Variants in LZTFL1 observed in about 807,000 individuals in gnomAD.
LZTFL1 encodes the protein leucine zipper transcription factor-like protein 1.
Under a neutral mutation model 45.9 loss-of-function variants are expected in LZTFL1, and 25 were observed. That is an observed-to-expected ratio of 0.54 (90% CI 0.40 to 0.76). The LOEUF (loss-of-function observed/expected upper bound fraction) is 0.76, where lower values mean the gene tolerates loss of function less well. Among genes scored for constraint, LZTFL1 ranks in the 30% least tolerant of loss-of-function variants. LZTFL1 has a pLI of 0.00. For missense variants in LZTFL1, 277 were observed against 331.1 expected, an observed-to-expected ratio of 0.84 and a Z score of 1.27; for synonymous variants, 93 against 117.4, an observed-to-expected ratio of 0.79 and a Z score of 1.35.
chr3:45,834,458 G>A, intron 3 of LZTFL1, 160 bp from the exon 4 acceptor site: 1 of 518,390 alleles, frequency 1.9e-6, no homozygotes, highest in Non-Finnish European at 3.5e-6. Context: ...GCAAATGGTT[G>A]AGAACCTAAA....
intron 3 of LZTFL1, among the ~76,000 whole-genome samples, chr3:45,858,341 T>C (rs1295937539): frequency 6.6e-6 from 1 of 152,206 alleles, no homozygotes; most frequent in East Asian, 1.9e-4. Flanking sequence ...AGAATGGGAA[T>C]TAACCCTTCA....
At chr3:45,895,985 G>A (rs1418528912) in intron 2 of LZTFL1, among the ~76,000 whole-genome samples, 2 of 152,342 alleles carry the variant, frequency 1.3e-5, no homozygotes, top group Middle Eastern at 3.4e-3. Context: ...GATCTATGGA[G>A]AGTGGTGGTT....
intron 2 of LZTFL1, among the ~76,000 whole-genome samples, chr3:45,874,792 T>C (rs929623464): frequency 6.6e-6 from 1 of 152,230 alleles, no homozygotes; most frequent in Non-Finnish European, 1.5e-5. Context: ...GTGGCAGTTC[T>C]AAGCCCAGAC....
chr3:45,854,816 G>T lies in LZTFL1; in HGVS notation c.-49+170C>A, dbSNP rs73830465. Among the ~76,000 whole-genome samples, 506 of 152,224 alleles carry T rather than the reference G, an allele frequency of 3.3e-3. 2 individuals are homozygous for T. The highest frequency in any genetic ancestry group is 0.011 in the African/African-American group (459 of 41,530). ...TCTCCTCTCTCTCCTGCTGCTTCCA[G>T]CACATCCTAGGATTACATCTGAAAT... On this transcript the variant is annotated intron_variant, in intron 4 of 4. Transcript: ENST00000472635.
chr3:45,869,161 G>A lies in LZTFL1; in HGVS notation c.-214-10145C>T, dbSNP rs561710579. Among the ~76,000 whole-genome samples, 4 of 152,302 alleles carry A rather than the reference G, an allele frequency of 2.6e-5. No individual in the cohort carries two copies. The East Asian group carries it at 7.7e-4, about 29-fold the overall frequency. ...GCAGGAAGGGATGGGCAGAGCACGA[G>A]ATCACAAAGATCACCACTGGCATTG... On this transcript the variant is annotated intron_variant, in intron 2 of 4. Transcript: ENST00000472635.
chr3:45,871,141 C>T (rs1410475353), intron 2 of LZTFL1, among the ~76,000 whole-genome samples: 1 of 152,206 alleles, frequency 6.6e-6, no homozygotes, highest in Non-Finnish European at 1.5e-5. Context: ...TTCATCTTCA[C>T]CCACATAAGC....
rs1237771968 is a variant in LZTFL1, at chr3:45,825,731, A to G, written c.*583T>C. ...GACTGAGGAAGCTAAGTGAATGTTC[A>G]TGTTCACTGCTGTAAATTTTCCTTA... On this transcript the variant is annotated 3_prime_UTR_variant, in exon 10 of 10. Transcript: ENST00000296135. 6.6e-6 allele frequency: 1 copy of G among 152,314 alleles called. No individual in the cohort carries two copies. Among genetic ancestry groups the G allele is most frequent in the African/African-American group, 2.4e-5 (1 of 41,452 alleles). The allele number at this position is 152,314 out of a possible 1,614,324, so 9.4% of individuals were successfully genotyped here.
intron 7 of LZTFL1, among the ~76,000 whole-genome samples, chr3:45,830,162 A>G (rs1275330725): frequency 6.6e-6 from 1 of 152,242 alleles, no homozygotes; most frequent in East Asian, 1.9e-4. Flanking sequence ...AGCCCAGTGA[A>G]GCAGATTTTG....
chr3:45,824,683 T>C lies in LZTFL1; in HGVS notation c.*1631A>G. 2.5e-6 allele frequency: 1 copy of C among 396,568 alleles called. No individual in the cohort carries two copies. Among genetic ancestry groups the C allele is most frequent in the Non-Finnish European group, 4.4e-6 (1 of 224,962 alleles). The allele number at this position is 396,568 out of a possible 1,614,324, so 24.6% of individuals were successfully genotyped here. ...AAGGTGTAGGGAGAAAATAATTGAA[T>C]GGTTTCTGAAGGCCACACTAGCCCT... On this transcript the variant is annotated 3_prime_UTR_variant, in exon 10 of 10. Transcript: ENST00000296135.
intron 4 of LZTFL1, among the ~76,000 whole-genome samples, chr3:45,853,120 T>C (rs552510590): frequency 6.6e-6 from 1 of 152,392 alleles, no homozygotes; most frequent in South Asian, 2.1e-4. Context: ...GCTTTACCTG[T>C]GGTCGATTAA....
chr3:45,879,878 T>C (rs1701820434), intron 2 of LZTFL1, among the ~76,000 whole-genome samples: 1 of 152,162 alleles, frequency 6.6e-6, no homozygotes, highest in Non-Finnish European at 1.5e-5. Flanking sequence ...TAAAAATATG[T>C]ATTTAAAAAA....
intron 2 of LZTFL1, among the ~76,000 whole-genome samples, chr3:45,894,448 T>C (rs577233617): frequency 6.6e-6 from 1 of 152,274 alleles, no homozygotes; most frequent in South Asian, 2.1e-4. Flanking sequence ...AAGCGACCAC[T>C]GTCCTGTTAG....
At chr3:45,837,314 A>AT (rs1700992176) in intron 2 of LZTFL1, among the ~76,000 whole-genome samples, 1 of 152,202 alleles carries the variant, frequency 6.6e-6, no homozygotes, top group Admixed American at 6.5e-5. Flanking sequence ...AATGGACTGA[A>AT]TGGTCTAAGG....
Position 45,900,979 on chromosome 3 carries a change from T to G in LZTFL1, c.-215+12141A>C. The G allele has an allele frequency of 6.2e-7, 1 of 1,614,224 alleles. No homozygotes were observed. The highest frequency in any genetic ancestry group is 1.1e-5 in the South Asian group (1 of 91,084). On this transcript the variant is annotated intron_variant, in intron 2 of 4. Transcript: ENST00000472635. The surrounding 1 kb of genome is among the most constrained non-coding windows in gnomAD (Gnocchi z 4.7). ...TGGCTCGTGTTCATCGTGGGTGCCT[T>G]GGGCAACAGTCTTGTTATCCTTGTC... is the stretch of plus-strand genomic sequence containing the variant.
intron 2 of LZTFL1, among the ~76,000 whole-genome samples, chr3:45,864,517 AT>A (rs1475207708): frequency 6.6e-6 from 1 of 152,210 alleles, no homozygotes; most frequent in Non-Finnish European, 1.5e-5. Context: ...TGGATTTAAT[AT>A]TTGGTTAATA....
chr3:45,915,471 G>A (rs868364846), exon 1 of LZTFL1: 5 of 456,022 alleles, frequency 1.1e-5, no homozygotes, highest in Non-Finnish European at 1.8e-5. Context: ...TCTCTCCTCC[G>A]AGGCTCAGTC....
chr3:45,900,777 C>A lies in LZTFL1; in HGVS notation c.-215+12343G>T, dbSNP rs2125760777. The A allele has an allele frequency of 1.3e-6, 2 of 1,577,130 alleles. No individual in the cohort carries two copies. The highest frequency in any genetic ancestry group is 2.7e-5 in the African/African-American group (2 of 74,282). On this transcript the variant is annotated intron_variant, in intron 2 of 4. Transcript: ENST00000472635. This position sits in a 1 kb window ranked among gnomAD's most constrained non-coding sequence, Gnocchi z 4.7. ...CAGACAGGACCTTCAAAATATTTTC[C>A]TTGACCTAATGCCATCTTGTGTCCC...
intron 1 of LZTFL1, among the ~76,000 whole-genome samples, chr3:45,838,946 C>T (rs1307642183): frequency 6.6e-6 from 1 of 152,176 alleles, no homozygotes; most frequent in Non-Finnish European, 1.5e-5. Context: ...AGACAGATTT[C>T]TATTACACAC....
At chr3:45,856,264 T>A (rs561421905) in intron 3 of LZTFL1, among the ~76,000 whole-genome samples, 1 of 152,250 alleles carries the variant, frequency 6.6e-6, no homozygotes, top group Admixed American at 6.5e-5. Context: ...TTAACAAACC[T>A]GATAAAAACA....
Sources: allele counts gnomAD v4.1 joint callset (sites outside exome capture counted in the v4.1 genomes callset), GRCh38; gene constraint gnomAD v4.1.1; non-coding constraint Gnocchi (gnomAD v3.1); transcripts MANE v1.5; gene names NCBI Gene and HGNC (gene_info 2026-07-23, HGNC 2026-07-21).